Variants in NF2 observed in about 807,000 individuals in gnomAD.
NF2 encodes merlin.
NF2 carries 8 observed loss-of-function variants against 83.7 expected under a neutral mutation model. That is an observed-to-expected ratio of 0.10 (90% confidence interval 0.06 to 0.17). NF2 has a LOEUF of 0.17. NF2 is among the 10% of genes least tolerant of loss of function. NF2 has a pLI of 1.00. For synonymous variants in NF2, 266 were observed against 269.6 expected (o/e 0.99, Z 0.13); for missense variants, 533 against 744.4 (o/e 0.72, Z 3.31).
At chr22:29,629,313 A>G (rs1325860345) in intron 1 of NF2, among the ~76,000 whole-genome samples, 2 of 152,216 alleles carry the variant, frequency 1.3e-5, no homozygotes, top group Non-Finnish European at 2.9e-5. Context: ...AATAGATTTT[A>G]ATGGAATTTA....
intron 15 of NF2, among the ~76,000 whole-genome samples, chr22:29,691,483 GC>G: frequency 6.6e-6 from 1 of 152,236 alleles, no homozygotes; most frequent in Non-Finnish European, 1.5e-5. Flanking sequence ...GGGTATGAGA[GC>G]ATCGCAGGGG....
At chr22:29,687,502 G>C (rs2067299148) in intron 15 of NF2, among the ~76,000 whole-genome samples, 1 of 152,182 alleles carries the variant, frequency 6.6e-6, no homozygotes, top group African/African-American at 2.4e-5. Flanking sequence ...TGCATATGCG[G>C]GAAAGGTGTC....
chr22:29,669,105 C>T (rs780691792), intron 10 of NF2, among the ~76,000 whole-genome samples: 5 of 152,042 alleles, frequency 3.3e-5, no homozygotes, highest in South Asian at 4.2e-4. Context: ...GTTGGCTGCC[C>T]GCAGGACTTG....
At chr22:29,616,160 GA>G (rs1047950631) in intron 1 of NF2, among the ~76,000 whole-genome samples, 1 of 152,100 alleles carries the variant, frequency 6.6e-6, no homozygotes, top group African/African-American at 2.4e-5. Flanking sequence ...TCAGGGCTGG[GA>G]AAAATGGGTG....
At chr22:29,648,113 A>G (rs1347780078) in intron 4 of NF2, among the ~76,000 whole-genome samples, 2 of 150,666 alleles carry the variant, frequency 1.3e-5, no homozygotes, top group Non-Finnish European at 2.9e-5. Flanking sequence ...CCTGGACGAC[A>G]GAGTGAGACT....
intron 15 of NF2, among the ~76,000 whole-genome samples, chr22:29,689,812 A>G (rs527597944): frequency 4.1e-4 from 63 of 152,352 alleles, no homozygotes; most frequent in Non-Finnish European, 7.6e-4. Context: ...GATGATCACA[A>G]TGCAGCCTTG....
intron 1 of NF2, among the ~76,000 whole-genome samples, chr22:29,613,278 C>G (rs2065000186): frequency 6.6e-6 from 1 of 152,012 alleles, no homozygotes; most frequent in Non-Finnish European, 1.5e-5. Context: ...GCCTATAATC[C>G]CAACACTTTG....
chr22:29,608,145 C>G (rs1229777403), intron 1 of NF2, among the ~76,000 whole-genome samples: 2 of 115,742 alleles, frequency 1.7e-5, no homozygotes, highest in Admixed American at 2.1e-4. Context: ...TGCACACCAG[C>G]CTGGGCAACA....
intron 4 of NF2, among the ~76,000 whole-genome samples, chr22:29,654,393 T>C (rs1261321239): frequency 1.3e-5 from 2 of 152,246 alleles, no homozygotes; most frequent in African/African-American, 4.8e-5. Context: ...TTAGAAAACA[T>C]GCCCACATTT....
At chr22:29,656,896 T>G (rs578236063) in intron 6 of NF2, among the ~76,000 whole-genome samples, 7 of 134,360 alleles carry the variant, frequency 5.2e-5, no homozygotes, top group African/African-American at 2.0e-4. Context: ...ATCAGTCTAA[T>G]TTTTGTAATC....
chr22:29,654,882 A>G (rs374221290), intron 5 of NF2, among the ~76,000 whole-genome samples, 157 bp downstream of exon 5: 7 of 152,216 alleles, frequency 4.6e-5, no homozygotes, highest in African/African-American at 1.7e-4. Context: ...CTCTGTTAAG[A>G]ATATTAAAAA....
At position 29,694,997 on chromosome 22, in the gene NF2, C is replaced by T; in HGVS notation, c.*195C>T. The T allele has an allele frequency of 3.1e-6, 2 of 646,980 alleles. No homozygotes were observed. Among genetic ancestry groups the T allele is most frequent in the East Asian group, 2.7e-5 (1 of 36,816 alleles). The allele number at this position is 646,980 out of a possible 1,614,324, so 40.1% of individuals were successfully genotyped here. ...TTGAACTACGACCCTGTAGAGATTT[C>T]TCTCATGGCGTTCTAGTTCTCTGAC... On this transcript the variant is annotated 3_prime_UTR_variant, in exon 16 of 16. Coordinates refer to ENST00000338641, the MANE Select transcript of NF2 (RefSeq NM_000268.4). This position sits in a 1 kb window ranked among gnomAD's most constrained non-coding sequence, Gnocchi z 4.1.
rs540338572 is a variant in NF2, at chr22:29,605,792, C to T, written c.114+1680C>T. On this transcript the variant is annotated intron_variant, in intron 1 of 15. Coordinates refer to ENST00000338641, the MANE Select transcript of NF2 (RefSeq NM_000268.4). ...CTCCTAGCTTAGTGAGGTGGAGCTT[C>T]TACTCCAGACTATTGCAAACTGTAA... 1.1e-3 allele frequency among the ~76,000 whole-genome samples: 161 copies of T among 152,314 alleles called. 1 individual carries two copies. The highest frequency in any genetic ancestry group is 3.7e-3 in the African/African-American group (153 of 41,564).
chr22:29,687,988 C>T (rs895686795), intron 15 of NF2, among the ~76,000 whole-genome samples: 2 of 152,208 alleles, frequency 1.3e-5, no homozygotes, highest in African/African-American at 4.8e-5. Flanking sequence ...ACACCTTGGG[C>T]TCATCCCTGA....
rs540992113 is a variant in NF2 at position 29,664,147 on chromosome 22, G to A, written c.811-843G>A. On this transcript the variant is annotated intron_variant, in intron 8 of 15. Transcript: ENST00000338641. Reference sequence around the variant, plus strand: ...TTTTGAGATAGGGGTCTGCTCTGTTGCCCAGCCTGGAGTGCAGTTGTGCAA... The same window carrying A: ...TTTTGAGATAGGGGTCTGCTCTGTTACCCAGCCTGGAGTGCAGTTGTGCAA... Among the ~76,000 whole-genome samples the A allele has an allele frequency of 9.2e-5, 14 of 152,058 alleles. No individual in the cohort carries two copies. In the East Asian group the frequency reaches 2.1e-3, roughly 23 times the overall value.
intron 4 of NF2, among the ~76,000 whole-genome samples, chr22:29,647,957 A>G (rs1344191557): frequency 6.6e-6 from 1 of 151,964 alleles, no homozygotes; most frequent in African/African-American, 2.4e-5. Context: ...ACGAAAATAA[A>G]TAAATAAATA....
chr22:29,685,705 C>T (rs994979240), intron 15 of NF2, among the ~76,000 whole-genome samples: 1 of 152,228 alleles, frequency 6.6e-6, no homozygotes, highest in African/African-American at 2.4e-5. Flanking sequence ...GCCATCTTGC[C>T]TGGCCATTGT....
chr22:29,674,770 G>T, intron 12 of NF2, 66 bp from the exon 13 acceptor site: 1 of 1,401,310 alleles, frequency 7.1e-7, no homozygotes, highest in South Asian at 1.2e-5. Context: ...CTGCAGGGGT[G>T]GGGTGGTGTC....
chr22:29,612,869 G>A (rs563168637), intron 1 of NF2, among the ~76,000 whole-genome samples: 2 of 152,120 alleles, frequency 1.3e-5, no homozygotes, highest in African/African-American at 4.8e-5. Flanking sequence ...GCCGAGGCAG[G>A]CGGATCACCT....
Sources: gnomAD v4.1 joint callset for allele counts (sites outside exome capture counted in the v4.1 genomes callset) on GRCh38, gnomAD v4.1.1 for gene constraint, Gnocchi (gnomAD v3.1) non-coding constraint, MANE v1.5 for transcripts, NCBI Gene and HGNC (gene_info 2026-07-23, HGNC 2026-07-21) for gene names.